HFM1: variants seen among roughly 807,000 people sequenced by gnomAD.
HFM1 encodes the protein helicase for meiosis 1, also known as probable ATP-dependent DNA helicase HFM1.
A neutral mutation model predicts 192.1 loss-of-function variants in HFM1; 169 were observed. That is an observed-to-expected ratio of 0.88 (90% CI 0.78 to 1.00). The LOEUF is 1.00. HFM1 is among the 50% of genes least tolerant of loss of function. The probability of loss-of-function intolerance (pLI) is 0.00; values close to 1 mark genes in which losing one functional copy is unlikely to be tolerated. For synonymous variants in HFM1, 525 were observed against 537.8 expected, an observed-to-expected ratio of 0.98 and a Z score of 0.33; for missense variants, 1,661 against 1,668.0, an observed-to-expected ratio of 1.00 and a Z score of 0.07.
chr1:91,298,393 A>G (rs1648058321), intron 30 of HFM1, among the ~76,000 whole-genome samples: 1 of 152,198 alleles, frequency 6.6e-6, no homozygotes, highest in Non-Finnish European at 1.5e-5. Context: ...AACTTCCCCA[A>G]TCTAGCAAGG....
chr1:91,344,245 T>C (rs1364541269), intron 19 of HFM1, among the ~76,000 whole-genome samples: 1 of 152,188 alleles, frequency 6.6e-6, no homozygotes, highest in African/African-American at 2.4e-5. Flanking sequence ...AGATATAAGA[T>C]AGTTCAGAGC....
At chr1:91,284,223 AATTATT>A (rs892204198) in intron 30 of HFM1, among the ~76,000 whole-genome samples, 1 of 151,028 alleles carries the variant, frequency 6.6e-6, no homozygotes, top group Non-Finnish European at 1.5e-5. Context: ...CAACTACATT[AATTATT>A]ATTATTATTA....
intron 13 of HFM1, among the ~76,000 whole-genome samples, chr1:91,373,766 T>A (rs1660552577): frequency 6.6e-6 from 1 of 152,012 alleles, no homozygotes; most frequent in South Asian, 2.1e-4. Context: ...GTGCCATGTT[T>A]CTTGTACAGC....
intron 20 of HFM1, chr1:91,328,988 C>T (rs1653371451): frequency 5.0e-6 from 8 of 1,612,534 alleles, no homozygotes; most frequent in Admixed American, 3.3e-5. Flanking sequence ...CAAAAAGCTG[C>T]CAATCCAGGA....
At position 91,404,805 on chromosome 1, in the gene HFM1, C is replaced by T. The variant is rs1338049786; in HGVS notation, c.-35G>A. On this transcript the variant is annotated 5_prime_UTR_variant, in exon 1 of 39. Coordinates refer to ENST00000370425, the MANE Select transcript of HFM1 (RefSeq NM_001017975.6). ...CCGGGCCCCTCTCCTCACCTCCCTG[C>T]GGACAGCTCCTAGGCCAGTCGAGCG... is the stretch of plus-strand genomic sequence containing the variant. The T allele has an allele frequency of 2.2e-6, 1 of 453,168 alleles. No individual in the cohort carries two copies. Among genetic ancestry groups the T allele is most frequent in the Non-Finnish European group, 4.4e-6 (1 of 225,624 alleles). 28.1% of individuals were successfully genotyped at this position (453,168 alleles called of 1,614,324 possible).
chr1:91,337,088 G>A (rs919228396), intron 20 of HFM1, among the ~76,000 whole-genome samples: 5 of 152,176 alleles, frequency 3.3e-5, no homozygotes, highest in African/African-American at 9.6e-5. Flanking sequence ...TGGGGAGGGC[G>A]AGGGGAAGGA....
intron 6 of HFM1, 147 bp downstream of exon 6, chr1:91,385,040 G>A: frequency 1.8e-6 from 1 of 567,376 alleles, no homozygotes; most frequent in Non-Finnish European, 3.1e-6. Context: ...ACCGCACCCG[G>A]CCACATGTAC....
chr1:91,332,209 A>T (rs1474793086), intron 20 of HFM1, among the ~76,000 whole-genome samples: 1 of 152,182 alleles, frequency 6.6e-6, no homozygotes, highest in Non-Finnish European at 1.5e-5. Flanking sequence ...AAACTATACT[A>T]CAGAGCTATA....
At chr1:91,276,933 G>T in intron 31 of HFM1, 49 bp downstream of exon 31, 1 of 1,126,098 alleles carries the variant, frequency 8.9e-7, no homozygotes, top group South Asian at 1.5e-5. Context: ...ATCCACCAAA[G>T]ACCTTTCAAT....
intron 30 of HFM1, among the ~76,000 whole-genome samples, chr1:91,279,080 C>T (rs2100805374): frequency 6.6e-6 from 1 of 152,222 alleles, no homozygotes; most frequent in African/African-American, 2.4e-5. Flanking sequence ...TAGAACTGAT[C>T]TCTGCTTTCC....
At chr1:91,355,350 A>G (rs1158090890) in intron 13 of HFM1, among the ~76,000 whole-genome samples, 3 of 152,042 alleles carry the variant, frequency 2.0e-5, no homozygotes, top group African/African-American at 7.2e-5. Context: ...GGCAGGAGTA[A>G]GTCCTTATCT....
At chr1:91,395,975 A>C (rs1424941688) in intron 3 of HFM1, among the ~76,000 whole-genome samples, 1 of 151,724 alleles carries the variant, frequency 6.6e-6, no homozygotes, top group African/African-American at 2.4e-5. Context: ...CAGCCTCCCG[A>C]GTAGCTGGGA....
At chr1:91,266,170 A>G in intron 35 of HFM1, 63 bp from the exon 36 acceptor site, 2 of 1,272,908 alleles carry the variant, frequency 1.6e-6, no homozygotes, top group Non-Finnish European at 2.2e-6. Context: ...AGCTTTTCAC[A>G]AGTTCTACAA....
At chr1:91,318,225 A>C (rs1651550295) in intron 25 of HFM1, among the ~76,000 whole-genome samples, 1 of 152,020 alleles carries the variant, frequency 6.6e-6, no homozygotes, top group Non-Finnish European at 1.5e-5. Flanking sequence ...TCCCCACTTC[A>C]CCCCAGCTCC....
Position 91,385,574 on chromosome 1 carries a change from C to T in HFM1, c.754+1G>A, listed in dbSNP as rs780104859. 87 of 1,608,140 alleles carry T rather than the reference C, an allele frequency of 5.4e-5. No individual in the cohort carries two copies. Among genetic ancestry groups the T allele is most frequent in the African/African-American group, 8.0e-5 (6 of 74,612 alleles). Reference sequence around the variant, plus strand: ...AATGAACTGAAAAAGCAAGAAATTACCTTGAATATCATGAGGTTGGAAAGC... The same window carrying T: ...AATGAACTGAAAAAGCAAGAAATTATCTTGAATATCATGAGGTTGGAAAGC... On this transcript the variant is annotated splice_donor_variant, in intron 5 of 38. Coordinates refer to ENST00000370425, the MANE Select transcript of HFM1 (RefSeq NM_001017975.6). LOFTEE classifies it high-confidence loss of function.
chr1:91,262,028 G>T lies in HFM1; in HGVS notation c.4238+213C>A, dbSNP rs1344013463. On this transcript the variant is annotated intron_variant, in intron 38 of 38. Transcript: ENST00000370425. ...ACTCAATATAATGTTTGAATAAACAGCATCAAACATACGGGTTTTCAAAAA... is the reference window on the plus strand; with the variant it reads ...ACTCAATATAATGTTTGAATAAACATCATCAAACATACGGGTTTTCAAAAA... 3.3e-5 allele frequency among the ~76,000 whole-genome samples: 5 copies of T among 152,138 alleles called. No individual in the cohort carries two copies. In the South Asian group the frequency reaches 8.3e-4, roughly 25 times the overall value.
intron 13 of HFM1, among the ~76,000 whole-genome samples, chr1:91,367,739 A>G (rs1659568609): frequency 6.6e-6 from 1 of 152,232 alleles, no homozygotes; most frequent in Admixed American, 6.5e-5. Context: ...CAGCAATGGA[A>G]CACAGCTGGA....
At chr1:91,373,525 G>T (rs1013803258) in intron 13 of HFM1, among the ~76,000 whole-genome samples, 8 of 151,988 alleles carry the variant, frequency 5.3e-5, no homozygotes, top group African/African-American at 1.9e-4. Context: ...GTAATCTCCA[G>T]TATTGAAGGT....
Position 91,353,305 on chromosome 1 carries a change from TA to T in HFM1, c.1686-7del. 1.3e-6 allele frequency: 2 copies of T among 1,494,450 alleles called. No homozygotes were observed. The highest frequency in any genetic ancestry group is 1.8e-6 in the Non-Finnish European group (2 of 1,083,878). The allele number at this position is 1,494,450 out of a possible 1,614,324, so 92.6% of individuals were successfully genotyped here. A position where few individuals can be genotyped will look rare whatever the true frequency, so the allele number is the denominator to read the frequency against. On this transcript the variant is annotated splice_polypyrimidine_tract_variant and splice_region_variant and intron_variant, in intron 13 of 38. Transcript: ENST00000370425. ...AATATGCATACTTCTGTAACCTATT[TA>T]AAAATACCATAAAATTATTGAGTTA...
Sources: allele counts gnomAD v4.1 joint callset (sites outside exome capture counted in the v4.1 genomes callset), GRCh38; gene constraint gnomAD v4.1.1; transcripts MANE v1.5; gene names NCBI Gene and HGNC (gene_info 2026-07-23, HGNC 2026-07-21).